Variants in CCDC40 observed in about 807,000 individuals in gnomAD.
CCDC40 encodes the protein coiled-coil domain-containing protein 40.
A neutral mutation model predicts 124.5 loss-of-function variants in CCDC40; 104 were observed. That is an observed-to-expected ratio of 0.84 (90% CI 0.71 to 0.98). CCDC40 has a LOEUF of 0.98. Among genes scored for constraint, CCDC40 ranks in the 50% least tolerant of loss-of-function variants. The pLI, the probability that CCDC40 is intolerant of heterozygous loss-of-function variation, is 0.00. For synonymous variants in CCDC40, 580 were observed against 602.9 expected, an observed-to-expected ratio of 0.96 and a Z score of 0.56; for missense variants, 1,463 against 1,503.9, an observed-to-expected ratio of 0.97 and a Z score of 0.45.
At chr17:80,050,943 G>C (rs757705162) in intron 7 of CCDC40, among the ~76,000 whole-genome samples, 2 of 152,220 alleles carry the variant, frequency 1.3e-5, no homozygotes, top group African/African-American at 2.4e-5. Flanking sequence ...CGGCACGACG[G>C]TCAGACCATG....
intron 7 of CCDC40, among the ~76,000 whole-genome samples, chr17:80,051,623 C>A (rs796954888): frequency 1.0e-5 from 1 of 97,620 alleles, no homozygotes; most frequent in African/African-American, 4.1e-5. Flanking sequence ...AGCGAGACTC[C>A]GTCTCAAAAA....
At chr17:80,053,292 C>G (rs887500743) in intron 7 of CCDC40, among the ~76,000 whole-genome samples, 3 of 152,172 alleles carry the variant, frequency 2.0e-5, no homozygotes, top group Non-Finnish European at 4.4e-5. Context: ...GGCTTCCAGG[C>G]GGGAAAACCC....
chr17:80,042,091 T>C (rs1007406794), intron 3 of CCDC40, among the ~76,000 whole-genome samples: 8 of 152,168 alleles, frequency 5.3e-5, no homozygotes, highest in Admixed American at 4.6e-4. Flanking sequence ...ATACAGGTGT[T>C]ATACAACTTT....
Position 80,099,524 on chromosome 17 carries a change from C to G in CCDC40, c.3181-3C>G, listed in dbSNP as rs2038875392. The G allele has an allele frequency of 1.9e-6, 3 of 1,606,982 alleles. No individual in the cohort carries two copies. Among genetic ancestry groups the G allele is most frequent in the South Asian group, 1.1e-5 (1 of 91,056 alleles). On this transcript the variant is annotated splice_polypyrimidine_tract_variant and splice_region_variant and intron_variant, in intron 19 of 19. Transcript: ENST00000397545. Reference sequence around the variant, plus strand: ...CCTATATGGAGTCTCTTTTCCTACCCAGAACCTTTCAGAGATCGTGGCCCT... The same window carrying G: ...CCTATATGGAGTCTCTTTTCCTACCGAGAACCTTTCAGAGATCGTGGCCCT...
chr17:80,089,605 T>G (rs577008515), intron 16 of CCDC40, 159 bp from the exon 17 acceptor site: 62 of 691,326 alleles, frequency 9.0e-5, no homozygotes, highest in East Asian at 6.8e-4. Flanking sequence ...AGGAGCCCAG[T>G]AGTGAACACT....
chr17:80,075,200 C>T (rs2038282302), intron 10 of CCDC40, among the ~76,000 whole-genome samples: 1 of 147,398 alleles, frequency 6.8e-6, no homozygotes, highest in South Asian at 2.1e-4. Flanking sequence ...GCTGGGATTA[C>T]AGGCATGAGC....
intron 7 of CCDC40, among the ~76,000 whole-genome samples, chr17:80,053,748 A>G (rs1191958946): frequency 6.6e-6 from 1 of 152,158 alleles, no homozygotes; most frequent in Non-Finnish European, 1.5e-5. Flanking sequence ...GCCCGCCACC[A>G]TGCCTGGCTA....
At position 80,087,728 on chromosome 17, in the gene CCDC40, G is replaced by C; in HGVS notation, c.2571G>C (p.Leu857=). ...MNKNRCSSEE[L]EQNNRVTENE... ...AAAACCGGTGCAGCTCGGAGGAGCT[G>C]GAGCAGAACAACCGGGTGACAGAGA... The change falls in exon 15 of 20, where the codon CTG becomes CTC. Residue 857 remains leucine, a synonymous_variant. Coordinates refer to ENST00000397545, the MANE Select transcript of CCDC40 (RefSeq NM_017950.4). The surrounding 1 kb of genome is among the most constrained non-coding windows in gnomAD (Gnocchi z 4.5). The C allele has an allele frequency of 6.2e-7, 1 of 1,614,120 alleles. No homozygotes were observed. The highest frequency in any genetic ancestry group is 2.2e-5 in the East Asian group (1 of 44,882).
At chr17:80,064,966 C>G (rs534931869) in intron 9 of CCDC40, among the ~76,000 whole-genome samples, 2 of 152,108 alleles carry the variant, frequency 1.3e-5, no homozygotes, top group Non-Finnish European at 2.9e-5. Flanking sequence ...CACCACCAAC[C>G]CTGCAGAGGT....
intron 17 of CCDC40, among the ~76,000 whole-genome samples, chr17:80,093,884 C>G (rs778672332): frequency 2.0e-5 from 3 of 152,090 alleles, no homozygotes; most frequent in Non-Finnish European, 4.4e-5. Context: ...TCTTCAATAC[C>G]TATTAAAATA....
rs61736668 is a variant in CCDC40, at chr17:80,050,176, G to T, written c.1052G>T (p.Arg351Leu). 1.9e-6 allele frequency: 3 copies of T among 1,613,072 alleles called. No homozygotes were observed. Among genetic ancestry groups the T allele is most frequent in the Non-Finnish European group, 1.7e-6 (2 of 1,179,916 alleles). Residue 351 changes from arginine to leucine, a missense_variant, in exon 7 of 20, where the codon CGC becomes CTC. Coordinates refer to ENST00000397545, the MANE Select transcript of CCDC40 (RefSeq NM_017950.4). ...AAGCTGCTGGAGAAGAGTCACGACC[G>T]CCACGCAATGGCCTCGAGCGAGCGC... ...LQKLLEKSHDRHAMASSERRQ... is the reference protein window; with the variant it reads ...LQKLLEKSHDLHAMASSERRQ...
chr17:80,065,664 C>A, intron 10 of CCDC40, 58 bp downstream of exon 10: 1 of 1,604,198 alleles, frequency 6.2e-7, no homozygotes. Flanking sequence ...CCGTGGCAGG[C>A]CCGCCCCACA....
chr17:80,074,589 G>C (rs1598523571), intron 10 of CCDC40, among the ~76,000 whole-genome samples: 2 of 152,268 alleles, frequency 1.3e-5, no homozygotes, highest in South Asian at 4.1e-4. Flanking sequence ...AGACCAGCCT[G>C]GGCAACATAG....
At position 80,086,415 on chromosome 17, in the gene CCDC40, C is replaced by T. The variant is rs563982773; in HGVS notation, c.2449+199C>T. The T allele has an allele frequency of 2.1e-4, 121 of 584,650 alleles. No individual in the cohort carries two copies. The highest frequency in any genetic ancestry group is 2.0e-3 in the African/African-American group (108 of 53,862). The allele number at this position is 584,650 out of a possible 1,614,324, so 36.2% of individuals were successfully genotyped here. ...CCAGCTGCCCAGTTCGCAGTCACAG[C>T]GGGAGGGTTGAGAAATGTCACGAAA... is the stretch of plus-strand genomic sequence containing the variant. On this transcript the variant is annotated intron_variant, in intron 14 of 19. Coordinates refer to ENST00000397545, the MANE Select transcript of CCDC40 (RefSeq NM_017950.4). The surrounding 1 kb of genome is among the most constrained non-coding windows in gnomAD (Gnocchi z 5.5).
chr17:80,055,765 C>A (rs1439932974), intron 7 of CCDC40, among the ~76,000 whole-genome samples: 1 of 151,742 alleles, frequency 6.6e-6, no homozygotes, highest in Non-Finnish European at 1.5e-5. Context: ...CCCCTTCCCC[C>A]ACCCAGCCAC....
Position 80,049,915 on chromosome 17 carries a change from G to T in CCDC40, c.865G>T (p.Val289Leu). Residue 289 changes from valine (V) to leucine (L), a missense_variant, in exon 6 of 20, where the codon GTA becomes TTA. Transcript: ENST00000397545. ...VVLDPDHPLM[V>L]RFQAALKNYL... ...TTTTCCATTGTTCTAGCCCCTGATG[G>T]TAAGATTCCAGGCTGCCCTGAAGAA... 6.2e-7 allele frequency: 1 copy of T among 1,614,028 alleles called. No individual in the cohort carries two copies. The highest frequency in any genetic ancestry group is 8.5e-7 in the Non-Finnish European group (1 of 1,179,948).
At chr17:80,095,734 C>A (rs943616481) in intron 18 of CCDC40, among the ~76,000 whole-genome samples, 16 of 152,332 alleles carry the variant, frequency 1.1e-4, no homozygotes, top group African/African-American at 3.8e-4. Flanking sequence ...TGCTACGGGG[C>A]CTGTCTGGGA....
intron 12 of CCDC40, among the ~76,000 whole-genome samples, chr17:80,083,792 G>A (rs1346765436): frequency 6.6e-6 from 1 of 152,254 alleles, no homozygotes; most frequent in Admixed American, 6.5e-5. Context: ...AGACCTGCCG[G>A]ACAGCAGGAG....
chr17:80,072,391 C>T lies in CCDC40; in HGVS notation c.1562+6785C>T, dbSNP rs187511996. Reference sequence around the variant, plus strand: ...GTGACAAGAAGACTCATTAGCATGTCAGCACACTCTCAGGCACACATTTCC... The same window carrying T: ...GTGACAAGAAGACTCATTAGCATGTTAGCACACTCTCAGGCACACATTTCC... On this transcript the variant is annotated intron_variant, in intron 10 of 19. Coordinates refer to ENST00000397545, the MANE Select transcript of CCDC40 (RefSeq NM_017950.4). Among the ~76,000 whole-genome samples the T allele has an allele frequency of 6.6e-5, 10 of 152,278 alleles. No homozygotes were observed. The East Asian group carries it at 1.9e-3, about 29-fold the overall frequency.
Sources: allele counts gnomAD v4.1 joint callset (sites outside exome capture counted in the v4.1 genomes callset), GRCh38; gene constraint gnomAD v4.1.1; non-coding constraint Gnocchi (gnomAD v3.1); transcripts MANE v1.5; gene names NCBI Gene and HGNC (gene_info 2026-07-23, HGNC 2026-07-21).